WWOX: variants seen among roughly 807,000 people sequenced by gnomAD.
WWOX encodes WW domain containing oxidoreductase, also known as WW domain-containing oxidoreductase.
In WWOX, 69 loss-of-function variants were observed where a neutral mutation model predicts 46.2. That is an observed-to-expected ratio of 1.49 (90% confidence interval 1.23 to 1.82). The LOEUF is 1.82. Among genes scored for constraint, WWOX ranks in the 40% most tolerant of loss-of-function variants. WWOX has a pLI of 0.00. For missense variants in WWOX, 919 were observed against 542.6 expected (o/e 1.69, Z -6.89); for synonymous variants, 359 against 202.6 (o/e 1.77, Z -6.56).
At chr16:78,387,504 G>A (rs1358366345) in intron 6 of WWOX, among the ~76,000 whole-genome samples, 3 of 151,884 alleles carry the variant, frequency 2.0e-5, no homozygotes, top group African/African-American at 7.3e-5. Context: ...GCCTTAGTTA[G>A]GGCCTAGCAT....
chr16:79,171,494 A>C (rs2050698544), intron 8 of WWOX, among the ~76,000 whole-genome samples: 1 of 152,202 alleles, frequency 6.6e-6, no homozygotes, highest in South Asian at 2.1e-4. Context: ...TTTGCTACCC[A>C]GAATTTAAAC....
At chr16:78,945,639 C>G (rs2045934271) in intron 8 of WWOX, among the ~76,000 whole-genome samples, 1 of 138,268 alleles carries the variant, frequency 7.2e-6, no homozygotes, top group African/African-American at 2.7e-5. Flanking sequence ...GGTTTTATTT[C>G]TAAGGATTTT....
chr16:79,096,248 C>G (rs2049070196), intron 8 of WWOX, among the ~76,000 whole-genome samples: 1 of 152,048 alleles, frequency 6.6e-6, no homozygotes, highest in Admixed American at 6.5e-5. Flanking sequence ...GAACCAGAAT[C>G]TCCTTTGAAA....
intron 5 of WWOX, among the ~76,000 whole-genome samples, chr16:78,249,927 A>G (rs573304545): frequency 1.1e-4 from 16 of 152,330 alleles, no homozygotes; most frequent in African/African-American, 3.8e-4. Flanking sequence ...AAGAGAACTC[A>G]GAAAGTAATA....
At chr16:78,108,542 A>G (rs898449285) in intron 2 of WWOX, 55 bp downstream of exon 2, 9 of 1,593,836 alleles carry the variant, frequency 5.6e-6, no homozygotes, top group Non-Finnish European at 7.7e-6. Flanking sequence ...AGATGAGGAA[A>G]TGTCACTGGC....
chr16:78,966,344 GTA>G (rs1396332730), intron 8 of WWOX, among the ~76,000 whole-genome samples: 3 of 152,080 alleles, frequency 2.0e-5, no homozygotes, highest in Non-Finnish European at 2.9e-5. Flanking sequence ...TCCGTTTACT[GTA>G]CACCCCCTAT....
At chr16:78,413,383 G>C (rs111307096) in intron 6 of WWOX, among the ~76,000 whole-genome samples, 4,565 of 152,266 alleles carry the variant, frequency 0.03, 225 homozygotes, top group African/African-American at 0.1. Flanking sequence ...TCAGCAAAGG[G>C]TGATGGGATT....
chr16:78,791,424 A>C (rs2050596982), intron 8 of WWOX, among the ~76,000 whole-genome samples: 1 of 152,092 alleles, frequency 6.6e-6, no homozygotes, highest in South Asian at 2.1e-4. Flanking sequence ...CATCTCCTGA[A>C]ACGTAATTTG....
intron 8 of WWOX, among the ~76,000 whole-genome samples, chr16:78,870,486 A>AT (rs2044102741): frequency 3.3e-5 from 5 of 151,460 alleles, no homozygotes. Context: ...TTCAGAGCTC[A>AT]TTTTTTCTGT....
At chr16:78,622,278 C>A (rs572488739) in intron 8 of WWOX, among the ~76,000 whole-genome samples, 14 of 152,184 alleles carry the variant, frequency 9.2e-5, no homozygotes, top group African/African-American at 3.1e-4. Flanking sequence ...CGCAGTGGCT[C>A]ATGCTTGTAA....
chr16:78,967,220 T>C (rs1181908604), intron 8 of WWOX, among the ~76,000 whole-genome samples: 1 of 150,498 alleles, frequency 6.6e-6, no homozygotes, highest in African/African-American at 2.4e-5. Context: ...GTGATTCAAA[T>C]CATGTTGCAA....
intron 8 of WWOX, among the ~76,000 whole-genome samples, chr16:78,914,844 A>C (rs559946777): frequency 3.7e-5 from 5 of 133,442 alleles, no homozygotes; most frequent in South Asian, 4.8e-4. Context: ...GCGCCACTGC[A>C]CTCCCGCCCG....
chr16:78,979,648 G>A (rs543216718), intron 8 of WWOX, among the ~76,000 whole-genome samples: 15 of 152,242 alleles, frequency 9.9e-5, no homozygotes, highest in African/African-American at 3.4e-4. Flanking sequence ...TTACTCAGAT[G>A]TCTCTAAGAC....
Position 79,211,730 on chromosome 16 carries a change from G to C in WWOX, c.1179G>C (p.Thr393=). The change falls in exon 9 of 9, where the codon ACG becomes ACC. Residue 393 remains threonine (T), a synonymous_variant. Coordinates refer to ENST00000566780, the MANE Select transcript of WWOX (RefSeq NM_016373.4). ...CACCAGAAGCTCAGAGCGAAGAGAC[G>C]GCCCGGACCCTGTGGGCGCTCAGCG... ...MPSPEAQSEE[T]ARTLWALSER... 6.2e-7 allele frequency: 1 copy of C among 1,614,198 alleles called. No homozygotes were observed. Among genetic ancestry groups the C allele is most frequent in the Non-Finnish European group, 8.5e-7 (1 of 1,180,036 alleles).
intron 6 of WWOX, among the ~76,000 whole-genome samples, chr16:78,390,775 A>G (rs1337282285): frequency 6.6e-6 from 1 of 152,138 alleles, no homozygotes; most frequent in Admixed American, 6.5e-5. Flanking sequence ...CAGACATTAA[A>G]ATTTTCTTGT....
chr16:78,178,370 T>C (rs1448169234), intron 5 of WWOX, among the ~76,000 whole-genome samples: 2 of 152,240 alleles, frequency 1.3e-5, no homozygotes, highest in Non-Finnish European at 2.9e-5. Flanking sequence ...CAGTTGGAAA[T>C]GTCACTGTGG....
chr16:79,183,814 GTTCTGTGCCTCCCAAATTTGTA>G (rs1365844985), intron 8 of WWOX, among the ~76,000 whole-genome samples: 1 of 152,106 alleles, frequency 6.6e-6, no homozygotes, highest in Non-Finnish European at 1.5e-5. Context: ...TGAACCAAAG[GTTCTGTGCCTCCCAAATTTGTA>G]TTCTTATCTC....
chr16:78,458,334 C>T (rs2151420744), intron 8 of WWOX, among the ~76,000 whole-genome samples: 1 of 149,622 alleles, frequency 6.7e-6, no homozygotes, highest in Non-Finnish European at 1.5e-5. Flanking sequence ...GATCACAGCT[C>T]ACTGCAGTCT....
chr16:78,435,479 G>A (rs28755792), intron 8 of WWOX, among the ~76,000 whole-genome samples: 3 of 152,182 alleles, frequency 2.0e-5, no homozygotes, highest in Non-Finnish European at 2.9e-5. Flanking sequence ...GATTAACTGC[G>A]CACTGAGCTT....
Sources: gnomAD v4.1 joint callset for allele counts (sites outside exome capture counted in the v4.1 genomes callset) on GRCh38, gnomAD v4.1.1 for gene constraint, MANE v1.5 for transcripts, NCBI Gene and HGNC (gene_info 2026-07-23, HGNC 2026-07-21) for gene names.